The following COL24A1 variants were observed in gnomAD, a reference collection of about 807,000 sequenced individuals.
The protein encoded by COL24A1 is collagen alpha-1(XXIV) chain.
Under a neutral mutation model 253.9 loss-of-function variants are expected in COL24A1, and 224 were observed. That is an observed-to-expected ratio of 0.88 (90% CI 0.79 to 0.99). The LOEUF (loss-of-function observed/expected upper bound fraction) is 0.99, where lower values mean the gene tolerates loss of function less well. Ranked by LOEUF, COL24A1 falls within the 50% of genes least tolerant of loss-of-function variation. COL24A1 has a pLI of 0.00. For missense variants in COL24A1, 2,131 were observed against 2,068.5 expected (o/e 1.03, Z -0.59); for synonymous variants, 685 against 673.7 (o/e 1.02, Z -0.26).
chr1:85,990,430 T>A (rs1423885938), intron 19 of COL24A1, among the ~76,000 whole-genome samples: 1 of 152,150 alleles, frequency 6.6e-6, no homozygotes, highest in Non-Finnish European at 1.5e-5. Context: ...GCAACCTAGA[T>A]CCCTCACACG....
chr1:85,945,254 T>C (rs1689221092), intron 24 of COL24A1, among the ~76,000 whole-genome samples: 1 of 151,480 alleles, frequency 6.6e-6, no homozygotes, highest in African/African-American at 2.4e-5. Flanking sequence ...CCTGACCTCA[T>C]GATCCGCCCA....
intron 37 of COL24A1, among the ~76,000 whole-genome samples, chr1:85,859,827 G>T (rs887949707): frequency 6.6e-6 from 1 of 152,146 alleles, no homozygotes; most frequent in Non-Finnish European, 1.5e-5. Flanking sequence ...AATAATTACA[G>T]AAAGAAGAAT....
chr1:85,952,252 T>A (rs895948094), intron 24 of COL24A1, among the ~76,000 whole-genome samples: 2 of 152,216 alleles, frequency 1.3e-5, no homozygotes, highest in African/African-American at 4.8e-5. Context: ...ATGTTTCTAG[T>A]GAACATGCGC....
chr1:85,963,205 A>G (rs1350337048), intron 23 of COL24A1, among the ~76,000 whole-genome samples: 2 of 152,188 alleles, frequency 1.3e-5, no homozygotes, highest in Non-Finnish European at 2.9e-5. Context: ...CAAAGTCTAC[A>G]CAAATTTTCT....
chr1:85,744,012 T>C (rs1664930506), intron 57 of COL24A1, among the ~76,000 whole-genome samples: 1 of 152,152 alleles, frequency 6.6e-6, no homozygotes, highest in Non-Finnish European at 1.5e-5. Context: ...CATCAGCACT[T>C]TTCAAATCAT....
At chr1:86,131,289 ATTTTT>A (rs1237369444) in intron 2 of COL24A1, among the ~76,000 whole-genome samples, 1 of 151,768 alleles carries the variant, frequency 6.6e-6, no homozygotes, top group African/African-American at 2.4e-5. Flanking sequence ...ACAGGTTCAA[ATTTTT>A]TTTATTTACT....
chr1:85,755,280 C>T (rs1666113632), intron 55 of COL24A1, among the ~76,000 whole-genome samples: 1 of 152,134 alleles, frequency 6.6e-6, no homozygotes, highest in African/African-American at 2.4e-5. Context: ...AACATACCTT[C>T]CCTAGAAAAA....
chr1:85,842,931 G>A (rs1676777440), intron 39 of COL24A1, among the ~76,000 whole-genome samples: 1 of 152,030 alleles, frequency 6.6e-6, no homozygotes, highest in African/African-American at 2.4e-5. Flanking sequence ...TTTTATAGAT[G>A]GTGAAACCAT....
chr1:85,833,130 G>C (rs1036466410), intron 43 of COL24A1, among the ~76,000 whole-genome samples: 5 of 152,094 alleles, frequency 3.3e-5, no homozygotes, highest in African/African-American at 1.2e-4. Context: ...AGAGTTTTTA[G>C]CATGAAGGGT....
chr1:86,154,698 T>G (rs911954964), intron 1 of COL24A1: 1 of 152,800 alleles, frequency 6.5e-6, no homozygotes, highest in Admixed American at 6.5e-5. Context: ...CTGCTTTAAC[T>G]CCGGTGGTTG....
chr1:86,134,844 T>G (rs1359180597), intron 2 of COL24A1, among the ~76,000 whole-genome samples: 1 of 116,048 alleles, frequency 8.6e-6, no homozygotes, highest in Non-Finnish European at 1.8e-5. Flanking sequence ...GGGTGGAGAG[T>G]TCTGTAGATG....
intron 47 of COL24A1, among the ~76,000 whole-genome samples, chr1:85,805,007 A>AT (rs1671819479): frequency 6.6e-6 from 1 of 152,142 alleles, no homozygotes; most frequent in African/African-American, 2.4e-5. Flanking sequence ...CACCCAGACA[A>AT]TTTTTAAATT....
At chr1:85,855,925 G>T (rs1330635175) in intron 37 of COL24A1, among the ~76,000 whole-genome samples, 1 of 152,136 alleles carries the variant, frequency 6.6e-6, no homozygotes, top group Non-Finnish European at 1.5e-5. Context: ...ATCTTGGGAG[G>T]TTGTATGTTT....
chr1:85,872,550 T>C (rs538017503), intron 35 of COL24A1, among the ~76,000 whole-genome samples: 2 of 152,158 alleles, frequency 1.3e-5, no homozygotes, highest in Non-Finnish European at 2.9e-5. Flanking sequence ...TACAACCATC[T>C]GATCTTTGAC....
intron 37 of COL24A1, among the ~76,000 whole-genome samples, chr1:85,852,425 T>C (rs1263971482): frequency 6.6e-6 from 1 of 152,152 alleles, no homozygotes; most frequent in Non-Finnish European, 1.5e-5. Flanking sequence ...TCTGCACAAC[T>C]TATTCTTTAA....
At chr1:86,124,284 C>T (rs1021471710) in intron 3 of COL24A1, among the ~76,000 whole-genome samples, 4 of 151,838 alleles carry the variant, frequency 2.6e-5, no homozygotes, top group Non-Finnish European at 5.9e-5. Flanking sequence ...GCAAGGGGAG[C>T]TTTAATTAAC....
intron 20 of COL24A1, among the ~76,000 whole-genome samples, chr1:85,986,142 T>C (rs1693703681): frequency 6.6e-6 from 1 of 151,852 alleles, no homozygotes. Context: ...ATTATGATTA[T>C]TATTAAGGTT....
chr1:86,086,765 A>G (rs2101940893), intron 7 of COL24A1, among the ~76,000 whole-genome samples: 1 of 152,316 alleles, frequency 6.6e-6, no homozygotes, highest in East Asian at 1.9e-4. Context: ...TTCATATTAA[A>G]GTAAGACATA....
At chr1:85,913,146 G>A (rs1159547071) in intron 24 of COL24A1, among the ~76,000 whole-genome samples, 1 of 152,132 alleles carries the variant, frequency 6.6e-6, no homozygotes, top group East Asian at 1.9e-4. Flanking sequence ...AAGTGTAAGA[G>A]ACTGAACACT....
Sources: allele counts gnomAD v4.1 joint callset (sites outside exome capture counted in the v4.1 genomes callset), GRCh38; gene constraint gnomAD v4.1.1; transcripts MANE v1.5; gene names NCBI Gene and HGNC (gene_info 2026-07-23, HGNC 2026-07-21).